The following TAS2R1 variants were observed in gnomAD, a reference collection of about 807,000 sequenced individuals.
TAS2R1 encodes the protein taste 2 receptor member 1.
For synonymous variants in TAS2R1, 141 were observed against 134.2 expected, an observed-to-expected ratio of 1.05 and a Z score of -0.35; for missense variants, 370 against 353.4, an observed-to-expected ratio of 1.05 and a Z score of -0.38.
the TAS2R1 span, among the ~76,000 whole-genome samples, chr5:9,842,321 T>TG: frequency 5.0e-5 from 7 of 141,260 alleles, no homozygotes; most frequent in Non-Finnish European, 6.2e-5. Context: ...TCTCTCTTTT[T>TG]TTTTTTTTTT....
intron 1 of TAS2R1, among the ~76,000 whole-genome samples, chr5:9,707,940 C>A (rs1211186114): frequency 6.6e-6 from 1 of 152,140 alleles, no homozygotes. Flanking sequence ...CCTGGAGCTT[C>A]TTCTCACCAG....
At chr5:9,749,712 T>C in the TAS2R1 span, among the ~76,000 whole-genome samples, 1 of 152,190 alleles carries the variant, frequency 6.6e-6, no homozygotes, top group Non-Finnish European at 1.5e-5. Flanking sequence ...AAAGCGATAC[T>C]TCAAAGAAAT....
the TAS2R1 span, among the ~76,000 whole-genome samples, chr5:9,730,773 A>G: frequency 6.6e-6 from 1 of 152,090 alleles, no homozygotes; most frequent in African/African-American, 2.4e-5. Flanking sequence ...GTGTTGTAGG[A>G]GGGACCCAGT....
chr5:9,645,852 T>G (rs1232333984), intron 2 of TAS2R1, among the ~76,000 whole-genome samples: 1 of 152,138 alleles, frequency 6.6e-6, no homozygotes, highest in Non-Finnish European at 1.5e-5. Flanking sequence ...GACCATGTTC[T>G]CCTCAGAATA....
At chr5:9,745,586 C>G in the TAS2R1 span, among the ~76,000 whole-genome samples, 1 of 151,480 alleles carries the variant, frequency 6.6e-6, no homozygotes. Context: ...ACCAATAGAA[C>G]AGAAGAGAGA....
the TAS2R1 span, among the ~76,000 whole-genome samples, chr5:9,847,227 G>A: frequency 1.4e-4 from 21 of 152,236 alleles, no homozygotes; most frequent in East Asian, 3.3e-3. Context: ...TCATATTCAG[G>A]TTTTGACCAT....
chr5:9,810,478 T>A, the TAS2R1 span, among the ~76,000 whole-genome samples: 1 of 152,254 alleles, frequency 6.6e-6, no homozygotes, highest in Admixed American at 6.5e-5. Flanking sequence ...AAGTCTTTGG[T>A]CTTCATGGAA....
intron 1 of TAS2R1, among the ~76,000 whole-genome samples, chr5:9,692,182 G>A (rs539817888): frequency 1.3e-5 from 2 of 152,244 alleles, no homozygotes; most frequent in African/African-American, 4.8e-5. Context: ...TGCACTCTAC[G>A]TGCTTGTCAG....
the TAS2R1 span, chr5:9,889,795 C>A: frequency 1.3e-5 from 2 of 152,102 alleles, no homozygotes; most frequent in Non-Finnish European, 2.9e-5. Flanking sequence ...GGGATCCAAC[C>A]CAGGCTGACG....
chr5:9,738,209 T>C, the TAS2R1 span, among the ~76,000 whole-genome samples: 3 of 152,212 alleles, frequency 2.0e-5, no homozygotes, highest in Admixed American at 2.0e-4. Flanking sequence ...ATTATACTTT[T>C]CCAGGGATGA....
At chr5:9,775,093 GAAT>G in the TAS2R1 span, among the ~76,000 whole-genome samples, 1 of 152,004 alleles carries the variant, frequency 6.6e-6, no homozygotes, top group Non-Finnish European at 1.5e-5. Context: ...GAAACCTTAG[GAAT>G]CTACTCAGTA....
Position 9,629,788 on chromosome 5 carries a change from C to A in TAS2R1, c.245G>T (p.Cys82Phe), listed in dbSNP as rs1413724577. The A allele has an allele frequency of 1.2e-6, 2 of 1,613,722 alleles. No homozygotes were observed. Among genetic ancestry groups the A allele is most frequent in the South Asian group, 1.1e-5 (1 of 91,064 alleles). ...TTCATTTATAAATAAGAGAATTGCA[C>A]AATTCGCAGAACACATGATGAATTC... ...FIEFIMCSAN[C>F]AILLFINELE... The change falls in exon 1 of 1, where the codon TGT becomes TTT. Residue 82 changes from cysteine (C) to phenylalanine (F), a missense_variant. Cys to Phe is a radical substitution (Grantham distance 205). Coordinates refer to ENST00000382492, the MANE Select transcript of TAS2R1 (RefSeq NM_019599.3).
intron 1 of TAS2R1, among the ~76,000 whole-genome samples, chr5:9,672,618 A>G (rs374334184): frequency 6.6e-5 from 10 of 152,228 alleles, no homozygotes; most frequent in African/African-American, 2.4e-4. Flanking sequence ...CTACTAATAA[A>G]AAGTAAAAAA....
At chr5:9,681,690 A>G (rs1239132501) in intron 1 of TAS2R1, among the ~76,000 whole-genome samples, 2 of 152,022 alleles carry the variant, frequency 1.3e-5, no homozygotes, top group African/African-American at 2.4e-5. Context: ...CTGTCACCCT[A>G]CTATAATGGA....
chr5:9,888,884 C>A, the TAS2R1 span, among the ~76,000 whole-genome samples: 1 of 152,008 alleles, frequency 6.6e-6, no homozygotes, highest in Non-Finnish European at 1.5e-5. Flanking sequence ...ATGGCATCTT[C>A]CAGGAAGGGA....
At chr5:9,884,109 C>T in the TAS2R1 span, 2 of 152,130 alleles carry the variant, frequency 1.3e-5, no homozygotes, top group Non-Finnish European at 2.9e-5. Context: ...TGATAACTAA[C>T]ACACTCCCAG....
At chr5:9,740,746 G>C in the TAS2R1 span, among the ~76,000 whole-genome samples, 1 of 152,194 alleles carries the variant, frequency 6.6e-6, no homozygotes, top group Non-Finnish European at 1.5e-5. Flanking sequence ...CAAAACCTTT[G>C]AGCAGGTAAC....
intron 2 of TAS2R1, among the ~76,000 whole-genome samples, chr5:9,640,800 G>C (rs1033005903): frequency 2.0e-5 from 3 of 152,120 alleles, no homozygotes; most frequent in African/African-American, 7.2e-5. Flanking sequence ...GGTGTGTTAA[G>C]TAAAACCAGA....
At chr5:9,834,816 CT>C in the TAS2R1 span, among the ~76,000 whole-genome samples, 4 of 151,736 alleles carry the variant, frequency 2.6e-5, no homozygotes, top group South Asian at 8.4e-4. Context: ...TTGGAGAGTT[CT>C]TACGGGGAGA....
Sources: allele counts gnomAD v4.1 joint callset (sites outside exome capture counted in the v4.1 genomes callset), GRCh38; gene constraint gnomAD v4.1.1; transcripts MANE v1.5; gene names NCBI Gene and HGNC (gene_info 2026-07-23, HGNC 2026-07-21).